The following CRYBG1 variants were observed in gnomAD, a reference collection of about 807,000 sequenced individuals.
The protein encoded by CRYBG1 is crystallin beta-gamma domain containing 1, also known as beta/gamma crystallin domain-containing protein 1.
A neutral mutation model predicts 189.2 loss-of-function variants in CRYBG1; 139 were observed. That is an observed-to-expected ratio of 0.73 (90% CI 0.64 to 0.85). The LOEUF (loss-of-function observed/expected upper bound fraction) is 0.85, where lower values mean the gene tolerates loss of function less well. Ranked by LOEUF, CRYBG1 falls within the 40% of genes least tolerant of loss-of-function variation. The pLI is 0.00. For missense variants in CRYBG1, 2,611 were observed against 2,675.8 expected, an observed-to-expected ratio of 0.98 and a Z score of 0.53; for synonymous variants, 1,023 against 1,017.1, an observed-to-expected ratio of 1.01 and a Z score of -0.11.
At chr6:106,545,025 A>G (rs1774235333) in intron 13 of CRYBG1, 92 bp downstream of exon 13, 1 of 982,742 alleles carries the variant, frequency 1.0e-6, no homozygotes, top group Admixed American at 2.6e-5. Flanking sequence ...TAGGCATTCA[A>G]TACACAAATA....
In CRYBG1 at chr6:106,419,933, T is replaced by C. The variant is rs112413205; in HGVS notation, c.174-31761T>C. Among the ~76,000 whole-genome samples, 643 of 152,364 alleles carry C rather than the reference T, an allele frequency of 4.2e-3. 8 individuals are homozygous for C. The highest frequency in any genetic ancestry group is 0.016 in the South Asian group (79 of 4,826). Reference sequence around the variant, plus strand: ...ATATTGATTTCAAATTGTGTATCTATAAAGTCACTGATCTAATCAGCTTGG... The same window carrying C: ...ATATTGATTTCAAATTGTGTATCTACAAAGTCACTGATCTAATCAGCTTGG... On this transcript the variant is annotated intron_variant, in intron 1 of 21. Coordinates refer to ENST00000633556, the MANE Select transcript of CRYBG1 (RefSeq NM_001371242.2).
In CRYBG1 at chr6:106,493,120, G is replaced by A. The variant is rs111985065; in HGVS notation, c.313-18310G>A. Among the ~76,000 whole-genome samples, 1,183 of 152,040 alleles carry A rather than the reference G, an allele frequency of 7.8e-3. 20 individuals are homozygous for A. The highest frequency in any genetic ancestry group is 0.027 in the African/African-American group (1,128 of 41,486). On this transcript the variant is annotated intron_variant, in intron 2 of 21. Transcript: ENST00000633556. ...GCCTGGGGGATTTTGTAATATTTTT[G>A]TAAAATTAGATATCACTATCTTTTT...
intron 13 of CRYBG1, among the ~76,000 whole-genome samples, chr6:106,549,646 C>T (rs1410826726): frequency 3.4e-5 from 5 of 148,664 alleles, no homozygotes; most frequent in Non-Finnish European, 5.9e-5. Flanking sequence ...GTTCTGAAAT[C>T]GGGGGATGGG....
At chr6:106,364,758 T>C (rs1562286442) in intron 1 of CRYBG1, among the ~76,000 whole-genome samples, 1 of 152,258 alleles carries the variant, frequency 6.6e-6, no homozygotes, top group Non-Finnish European at 1.5e-5. Flanking sequence ...GCTCAGAATG[T>C]GGATTCTCTA....
rs1774984037 is a variant in CRYBG1 at position 106,569,134 on chromosome 6, G to T, written c.*568G>T. On this transcript the variant is annotated 3_prime_UTR_variant, in exon 22 of 22. Transcript: ENST00000633556. ...AAGCCTTAGGTATTCACACATTTAA[G>T]GAACTCTAAACAAAATACTATTTTC... The T allele has an allele frequency of 6.6e-6, 1 of 152,076 alleles. No individual in the cohort carries two copies. Among genetic ancestry groups the T allele is most frequent in the African/African-American group, 2.4e-5 (1 of 41,412 alleles). The allele number at this position is 152,076 out of a possible 1,614,324, so 9.4% of individuals were successfully genotyped here. A position where few individuals can be genotyped will look rare whatever the true frequency, so the allele number is the denominator to read the frequency against.
In CRYBG1 at chr6:106,453,514, A is replaced by G. The variant is rs531995341; in HGVS notation, c.312+1682A>G. On this transcript the variant is annotated intron_variant, in intron 2 of 21. Transcript: ENST00000633556. ...ATAAGAAATAATTTTTAACTAGGGG[A>G]AAAAAAACCCTGATAAACCCAGTCA... 7.9e-5 allele frequency among the ~76,000 whole-genome samples: 12 copies of G among 152,154 alleles called. No homozygotes were observed. The East Asian group carries it at 9.6e-4, about 12-fold the overall frequency.
chr6:106,393,502 T>C (rs1433870458), intron 1 of CRYBG1, among the ~76,000 whole-genome samples: 1 of 152,180 alleles, frequency 6.6e-6, no homozygotes, highest in Non-Finnish European at 1.5e-5. Flanking sequence ...TTCCAGGCAG[T>C]GTCTGAGCCC....
At chr6:106,485,928 C>CT (rs1772584238) in intron 2 of CRYBG1, among the ~76,000 whole-genome samples, 2 of 152,122 alleles carry the variant, frequency 1.3e-5, no homozygotes, top group Admixed American at 6.5e-5. Flanking sequence ...CTGCAGTTTA[C>CT]TTTTTTTGCA....
intron 18 of CRYBG1, among the ~76,000 whole-genome samples, chr6:106,560,243 C>T (rs967392286): frequency 6.6e-6 from 1 of 152,142 alleles, no homozygotes; most frequent in Admixed American, 6.5e-5. Context: ...GTGCATTCTT[C>T]CCTGATGTAA....
At chr6:106,505,384 G>A (rs572737740) in intron 2 of CRYBG1, among the ~76,000 whole-genome samples, 12 of 151,988 alleles carry the variant, frequency 7.9e-5, no homozygotes, top group Non-Finnish European at 1.0e-4. Context: ...ATGAGCCACC[G>A]CACCCGGCCC....
intron 1 of CRYBG1, among the ~76,000 whole-genome samples, chr6:106,435,468 A>G (rs918300987): frequency 1.2e-4 from 19 of 152,162 alleles, no homozygotes; most frequent in Admixed American, 1.1e-3. Flanking sequence ...CCCAACCTAC[A>G]AAATTACATT....
intron 18 of CRYBG1, among the ~76,000 whole-genome samples, chr6:106,560,308 A>G (rs1461453484): frequency 6.6e-6 from 1 of 152,206 alleles, no homozygotes; most frequent in Non-Finnish European, 1.5e-5. Context: ...GCTTAAACCC[A>G]TACTTCCTCA....
chr6:106,408,168 A>G lies in CRYBG1; in HGVS notation c.174-43526A>G, dbSNP rs986885732. ...GATAAAAGAGAAGAATCAAATAGAC[A>G]CAATAAAAAATGATGAAGGGGTATC... On this transcript the variant is annotated intron_variant, in intron 1 of 21. Coordinates refer to ENST00000633556, the MANE Select transcript of CRYBG1 (RefSeq NM_001371242.2). Among the ~76,000 whole-genome samples, 34 of 152,162 alleles carry G rather than the reference A, an allele frequency of 2.2e-4. 1 individual carries two copies. Among genetic ancestry groups the G allele is most frequent in the Non-Finnish European group, 8.8e-5 (6 of 68,012 alleles).
chr6:106,486,612 G>T (rs1440563509), intron 2 of CRYBG1, among the ~76,000 whole-genome samples: 1 of 151,800 alleles, frequency 6.6e-6, no homozygotes, highest in Non-Finnish European at 1.5e-5. Context: ...TCTGGTATTG[G>T]ATATATATAT....
chr6:106,559,711 A>G (rs1981308), intron 18 of CRYBG1, among the ~76,000 whole-genome samples: 143,552 of 151,998 alleles, frequency 0.94, 68,327 homozygotes, highest in East Asian at 1. Flanking sequence ...ACTTGAACCC[A>G]GGAGGTGGAG....
chr6:106,548,673 C>T lies in CRYBG1; in HGVS notation c.5313-3179C>T, dbSNP rs113292089. Among the ~76,000 whole-genome samples, 422 of 152,076 alleles carry T rather than the reference C, an allele frequency of 2.8e-3. 2 individuals carry two copies. Among genetic ancestry groups the T allele is most frequent in the African/African-American group, 9.8e-3 (406 of 41,484 alleles). On this transcript the variant is annotated intron_variant, in intron 13 of 21. Coordinates refer to ENST00000633556, the MANE Select transcript of CRYBG1 (RefSeq NM_001371242.2). ...GGTGAGAACCCTTTTTTTGATGTGGCTCTACTTCTTTAATTGTTCGTTGTT... is the reference window on the plus strand; with the variant it reads ...GGTGAGAACCCTTTTTTTGATGTGGTTCTACTTCTTTAATTGTTCGTTGTT...
chr6:106,561,004 AT>A, intron 19 of CRYBG1, 78 bp downstream of exon 19: 4 of 1,425,974 alleles, frequency 2.8e-6, no homozygotes, highest in Non-Finnish European at 3.7e-6. Context: ...TTTTTATCCA[AT>A]TTTTTTATTC....
intron 2 of CRYBG1, among the ~76,000 whole-genome samples, chr6:106,452,244 TAAAAAAAAAAA>T (rs368102917): frequency 3.3e-4 from 36 of 108,838 alleles, no homozygotes; most frequent in Non-Finnish European, 1.5e-4. Flanking sequence ...CAGACTCTAC[TAAAAAAAAAAA>T]AAAAAAAAAA....
intron 2 of CRYBG1, among the ~76,000 whole-genome samples, chr6:106,505,925 C>A (rs140257215): frequency 1.3e-5 from 2 of 151,522 alleles, no homozygotes; most frequent in East Asian, 1.9e-4. Context: ...GGGAATCACA[C>A]GTGTTTAAAA....
Sources: allele counts gnomAD v4.1 joint callset (sites outside exome capture counted in the v4.1 genomes callset), GRCh38; gene constraint gnomAD v4.1.1; transcripts MANE v1.5; gene names NCBI Gene and HGNC (gene_info 2026-07-23, HGNC 2026-07-21).